C1orf21: variants seen among roughly 807,000 people sequenced by gnomAD.
The protein encoded by C1orf21 is uncharacterized protein C1orf21.
In C1orf21, 3 loss-of-function variants were observed where a neutral mutation model predicts 18.7. That is an observed-to-expected ratio of 0.16 (90% CI 0.07 to 0.42). The LOEUF (loss-of-function observed/expected upper bound fraction) is 0.42, where lower values mean the gene tolerates loss of function less well. Among genes scored for constraint, C1orf21 ranks in the 10% least tolerant of loss-of-function variants. The pLI, the probability that C1orf21 is intolerant of heterozygous loss-of-function variation, is 0.99. For synonymous variants in C1orf21, 41 were observed against 46.4 expected, an observed-to-expected ratio of 0.88 and a Z score of 0.47; for missense variants, 104 against 143.6, an observed-to-expected ratio of 0.72 and a Z score of 1.41.
chr1:184,579,024 G>A (rs926765562), intron 3 of C1orf21, among the ~76,000 whole-genome samples: 3 of 146,112 alleles, frequency 2.1e-5, no homozygotes, highest in Non-Finnish European at 3.0e-5. Flanking sequence ...AGAACTGAGC[G>A]TCTTGGGTGC....
intron 1 of C1orf21, among the ~76,000 whole-genome samples, chr1:184,443,778 A>G (rs554332587): frequency 6.6e-6 from 1 of 152,238 alleles, no homozygotes; most frequent in African/African-American, 2.4e-5. Flanking sequence ...CCAAGATCCC[A>G]TTGGTGTGGA....
In C1orf21 at chr1:184,404,622, A is replaced by T. The variant is rs540146942; in HGVS notation, c.-125+17254A>T. Among the ~76,000 whole-genome samples the T allele has an allele frequency of 2.6e-5, 4 of 152,328 alleles. No individual in the cohort carries two copies. The East Asian group carries it at 7.7e-4, about 29-fold the overall frequency. On this transcript the variant is annotated intron_variant, in intron 1 of 5. Transcript: ENST00000235307. ...ACTCTTGCCTCTTAATACAGTTACC[A>T]TAGCAATTCAATTTCAACATAAGTT...
At position 184,468,490 on chromosome 1, in the gene C1orf21, T is replaced by G. The variant is rs145777622; in HGVS notation, c.-124-8896T>G. The stretch of plus-strand genomic sequence containing the variant: ...GGAAACAGTTTTTCAATTTGTAGGA[T>G]TCAGATCTTTTCAAAGTATTATAAT... On this transcript the variant is annotated intron_variant, in intron 1 of 5. Coordinates refer to ENST00000235307, the MANE Select transcript of C1orf21 (RefSeq NM_030806.4). Among the ~76,000 whole-genome samples the G allele has an allele frequency of 9.2e-5, 14 of 152,350 alleles. No homozygotes were observed. In the East Asian group the frequency reaches 2.5e-3, roughly 27 times the overall value.
chr1:184,543,686 G>A (rs1658690420), intron 3 of C1orf21, among the ~76,000 whole-genome samples: 1 of 152,120 alleles, frequency 6.6e-6, no homozygotes, highest in Non-Finnish European at 1.5e-5. Context: ...TTAATGAGAT[G>A]TCATCAAGAA....
rs578111780 is a variant in C1orf21 at position 184,568,174 on chromosome 1, G to A, written c.190-22565G>A. 1.1e-4 allele frequency among the ~76,000 whole-genome samples: 16 copies of A among 152,248 alleles called. No homozygotes were observed. The South Asian group carries it at 3.3e-3, about 32-fold the overall frequency. ...CTCCTATCTGCTAGCATTTGAGAGC[G>A]ACTTTCCTTTTACCACATACACACA... On this transcript the variant is annotated intron_variant, in intron 3 of 5. Transcript: ENST00000235307.
intron 1 of C1orf21, among the ~76,000 whole-genome samples, chr1:184,469,964 G>A (rs1199261981): frequency 6.6e-6 from 1 of 152,206 alleles, no homozygotes; most frequent in Non-Finnish European, 1.5e-5. Flanking sequence ...AACATGTGGA[G>A]TGCCTAGGAT....
chr1:184,522,417 T>G (rs965036231), intron 3 of C1orf21, among the ~76,000 whole-genome samples: 1 of 152,064 alleles, frequency 6.6e-6, no homozygotes, highest in African/African-American at 2.4e-5. Flanking sequence ...AATACCATTC[T>G]CCAATAAAAG....
At chr1:184,390,051 C>T (rs1007208867) in intron 1 of C1orf21, among the ~76,000 whole-genome samples, 5 of 152,182 alleles carry the variant, frequency 3.3e-5, no homozygotes, top group African/African-American at 4.8e-5. Flanking sequence ...AAAGGGTAAT[C>T]GTACAGTAAT....
intron 2 of C1orf21, among the ~76,000 whole-genome samples, chr1:184,477,907 T>C (rs1657596391): frequency 6.6e-6 from 1 of 152,132 alleles, no homozygotes; most frequent in African/African-American, 2.4e-5. Context: ...AGCCTTTCAT[T>C]TTTGTGACAG....
intron 1 of C1orf21, among the ~76,000 whole-genome samples, chr1:184,410,650 T>TATATATA (rs1656330383): frequency 7.5e-4 from 5 of 6,666 alleles, no homozygotes; most frequent in African/African-American, 5.7e-3. Flanking sequence ...TATATATATA[T>TATATATA]ATATATATAT....
At chr1:184,507,739 T>A (rs1658085091) in intron 3 of C1orf21, 57 bp downstream of exon 3, 1 of 1,360,348 alleles carries the variant, frequency 7.4e-7, no homozygotes, top group Non-Finnish European at 1.0e-6. Context: ...TGTAATAAAA[T>A]CTGCACTGCA....
At position 184,537,421 on chromosome 1, in the gene C1orf21, G is replaced by C. The variant is rs144995320; in HGVS notation, c.189+29739G>C. ...TTTTGAGAATGGCTTGTTTCACTTA[G>C]CATAATGTTCTGAAGGTCCATCCGT... On this transcript the variant is annotated intron_variant, in intron 3 of 5. Coordinates refer to ENST00000235307, the MANE Select transcript of C1orf21 (RefSeq NM_030806.4). Among the ~76,000 whole-genome samples the C allele has an allele frequency of 7.4e-3, 1,125 of 152,198 alleles. 6 individuals carry two copies. The highest frequency in any genetic ancestry group is 0.02 in the Middle Eastern group (6 of 294).
rs1659148036 is a variant in C1orf21, at chr1:184,573,852, TTAAAAA to T, written c.190-16881_190-16876del. On this transcript the variant is annotated intron_variant, in intron 3 of 5. Coordinates refer to ENST00000235307, the MANE Select transcript of C1orf21 (RefSeq NM_030806.4). ...ATTAAAAGTTGAAATCTTTAAAAAA[TTAAAAA>T]TAAAATAAATAAAAAATTCAAACTG... Among the ~76,000 whole-genome samples the T allele has an allele frequency of 7.2e-5, 11 of 151,964 alleles. 1 individual carries two copies. Among genetic ancestry groups the T allele is most frequent in the Admixed American group, 6.6e-4 (10 of 15,254 alleles).
At chr1:184,538,348 A>G (rs538731452) in intron 3 of C1orf21, among the ~76,000 whole-genome samples, 36 of 152,188 alleles carry the variant, frequency 2.4e-4, no homozygotes, top group Admixed American at 6.5e-5. Flanking sequence ...TAGGAATTCT[A>G]TATATATTTT....
chr1:184,435,496 A>C (rs1405789070), intron 1 of C1orf21, among the ~76,000 whole-genome samples: 5 of 152,144 alleles, frequency 3.3e-5, no homozygotes, highest in Non-Finnish European at 7.3e-5. Context: ...GACATGCACC[A>C]CCATGCCCAG....
chr1:184,607,782 A>G (rs1404276407), intron 5 of C1orf21, among the ~76,000 whole-genome samples: 1 of 151,532 alleles, frequency 6.6e-6, no homozygotes, highest in African/African-American at 2.4e-5. Context: ...AAGAGTCACA[A>G]TTATAGATTT....
intron 1 of C1orf21, among the ~76,000 whole-genome samples, chr1:184,391,487 A>G (rs185667080): frequency 1.3e-5 from 2 of 152,160 alleles, no homozygotes; most frequent in Admixed American, 1.3e-4. Context: ...GAAGTCACTC[A>G]ATGAGTGATT....
At chr1:184,408,087 G>A (rs926164714) in intron 1 of C1orf21, among the ~76,000 whole-genome samples, 3 of 152,150 alleles carry the variant, frequency 2.0e-5, no homozygotes, top group African/African-American at 7.2e-5. Flanking sequence ...CTCTATTTTT[G>A]TTACCTAAGA....
At chr1:184,443,043 T>C (rs189438585) in intron 1 of C1orf21, among the ~76,000 whole-genome samples, 159 of 152,322 alleles carry the variant, frequency 1.0e-3, no homozygotes, top group African/African-American at 3.8e-3. Context: ...ACAATAGTAA[T>C]GTGCTGAGTT....
Sources: gnomAD v4.1 joint callset for allele counts (sites outside exome capture counted in the v4.1 genomes callset) on GRCh38, gnomAD v4.1.1 for gene constraint, MANE v1.5 for transcripts, NCBI Gene and HGNC (gene_info 2026-07-23, HGNC 2026-07-21) for gene names.